The following CARF variants were observed in gnomAD, a reference collection of about 807,000 sequenced individuals.
The protein encoded by CARF is calcium responsive transcription factor.
In CARF, 57 loss-of-function variants were observed where a neutral mutation model predicts 82.0. That is an observed-to-expected ratio of 0.70 (90% CI 0.56 to 0.87). The LOEUF (loss-of-function observed/expected upper bound fraction) is 0.87. CARF is among the 40% of genes least tolerant of loss of function. The pLI, the probability that CARF is intolerant of heterozygous loss-of-function variation, is 0.00. For synonymous variants in CARF, 268 were observed against 290.1 expected (o/e 0.92, Z 0.77); for missense variants, 771 against 855.8 (o/e 0.90, Z 1.24).
At position 202,986,198 on chromosome 2, in the gene CARF, A is replaced by T. The variant is rs189561172; in HGVS notation, c.*2574A>T. Reference sequence around the variant, plus strand: ...TTTCTAAATTAGATTTTAAAAATTCATTGTCATCTAAATGCATGTTTAGTC... The same window carrying T: ...TTTCTAAATTAGATTTTAAAAATTCTTTGTCATCTAAATGCATGTTTAGTC... On this transcript the variant is annotated 3_prime_UTR_variant, in exon 17 of 17. Coordinates refer to ENST00000438828, the MANE Select transcript of CARF (RefSeq NM_024744.17). 1.3e-4 allele frequency: 20 copies of T among 152,258 alleles called. No individual in the cohort carries two copies. Among genetic ancestry groups the T allele is most frequent in the African/African-American group, 4.3e-4 (18 of 41,576 alleles). The allele number at this position is 152,258 out of a possible 1,614,324, so 9.4% of individuals were successfully genotyped here.
intron 3 of CARF, among the ~76,000 whole-genome samples, chr2:202,932,629 A>C (rs1693142447): frequency 6.6e-6 from 1 of 152,066 alleles, no homozygotes; most frequent in Non-Finnish European, 1.5e-5. Flanking sequence ...GCAGTATCTC[A>C]GACTCTGTGA....
intron 5 of CARF, among the ~76,000 whole-genome samples, chr2:202,945,837 T>C (rs1053972488): frequency 6.6e-6 from 1 of 152,202 alleles, no homozygotes; most frequent in African/African-American, 2.4e-5. Flanking sequence ...AGTAATAGGA[T>C]TGCTGGGTTG....
intron 1 of CARF, among the ~76,000 whole-genome samples, chr2:202,914,563 G>T (rs899172105): frequency 1.3e-5 from 2 of 151,954 alleles, no homozygotes; most frequent in Non-Finnish European, 2.9e-5. Context: ...TGGAGCACCT[G>T]AGGTCAGGAG....
chr2:202,953,927 C>T (rs2058893041), intron 6 of CARF, 78 bp from the exon 7 acceptor site: 7 of 1,260,146 alleles, frequency 5.6e-6, no homozygotes, highest in African/African-American at 1.5e-5. Context: ...ATTACAAATA[C>T]ATAAGTTTTA....
In CARF at chr2:202,986,897, T is replaced by TATATAC. The variant is rs1553584712; in HGVS notation, c.*3278_*3279insCATATA. 3.7e-5 allele frequency: 5 copies of TATATAC among 135,938 alleles called. No individual in the cohort carries two copies. Among genetic ancestry groups the TATATAC allele is most frequent in the East Asian group, 2.1e-4 (1 of 4,858 alleles). 8.4% of individuals were successfully genotyped at this position (135,938 alleles called of 1,614,324 possible). A position where few individuals can be genotyped will look rare whatever the true frequency, so the allele number is the denominator to read the frequency against. On this transcript the variant is annotated 3_prime_UTR_variant, in exon 17 of 17. Coordinates refer to ENST00000438828, the MANE Select transcript of CARF (RefSeq NM_024744.17). ...ATATATATATATATATATATATATA[T>TATATAC]ATATATATATAGCAACTTGATGTAT...
chr2:202,929,175 T>G (rs777788365), intron 3 of CARF, among the ~76,000 whole-genome samples: 2 of 152,236 alleles, frequency 1.3e-5, no homozygotes, highest in Non-Finnish European at 2.9e-5. Context: ...CTTGTTTAGT[T>G]TGCTGTACAA....
At chr2:202,933,846 GCTTTT>G (rs927232588) in intron 3 of CARF, among the ~76,000 whole-genome samples, 1 of 139,406 alleles carries the variant, frequency 7.2e-6, no homozygotes, top group African/African-American at 2.5e-5. Context: ...ACCACAGTCT[GCTTTT>G]CTTTTCTTTC....
At chr2:202,947,348 C>T (rs1021134626) in intron 5 of CARF, among the ~76,000 whole-genome samples, 2 of 152,098 alleles carry the variant, frequency 1.3e-5, no homozygotes, top group Non-Finnish European at 2.9e-5. Context: ...AAGCTGGAAA[C>T]CATCATCCTC....
intron 3 of CARF, among the ~76,000 whole-genome samples, chr2:202,937,781 C>T (rs191450675): frequency 6.6e-6 from 1 of 152,082 alleles, no homozygotes; most frequent in African/African-American, 2.4e-5. Flanking sequence ...TGCGCCACCA[C>T]GCCTGGCTAG....
chr2:202,930,086 C>T (rs944165855), intron 3 of CARF, among the ~76,000 whole-genome samples: 6 of 151,886 alleles, frequency 4.0e-5, no homozygotes, highest in Non-Finnish European at 7.4e-5. Context: ...CTCAATCTGT[C>T]GCCCAGGCTG....
Position 202,949,515 on chromosome 2 carries a change from A to AT in CARF, c.307-3041dup, listed in dbSNP as rs71408905. Reference sequence around the variant, plus strand: ...TTTTCAATATGACTTTTTGTTATTTATTTATTATTATTATTATTATTATTA... The same window carrying AT: ...TTTTCAATATGACTTTTTGTTATTTATTTTATTATTATTATTATTATTATTA... On this transcript the variant is annotated intron_variant, in intron 5 of 16. Coordinates refer to ENST00000438828, the MANE Select transcript of CARF (RefSeq NM_024744.17). Among the ~76,000 whole-genome samples, 37 of 112,086 alleles carry AT rather than the reference A, an allele frequency of 3.3e-4. No homozygotes were observed. The Admixed American group carries it at 3.5e-3, about 11-fold the overall frequency. 73.5% of individuals were successfully genotyped at this position (112,086 alleles called of 152,430 possible). A position where few individuals can be genotyped will look rare whatever the true frequency, so the allele number is the denominator to read the frequency against.
chr2:202,955,715 C>CT lies in CARF; in HGVS notation c.601dup (p.Ser201PhefsTer2). The CT allele has an allele frequency of 1.2e-6, 2 of 1,612,450 alleles. No individual in the cohort carries two copies. Among genetic ancestry groups the CT allele is most frequent in the Non-Finnish European group, 1.7e-6 (2 of 1,179,096 alleles). ...CTTCTGGGGCCTCTTCAGCCACTTTCTTCTAATACACCTATATGGGCCTGC... is the reference window on the plus strand; with the variant it reads ...CTTCTGGGGCCTCTTCAGCCACTTTCTTTCTAATACACCTATATGGGCCTGC... On this transcript the variant is annotated frameshift_variant, in exon 8 of 17. Coordinates refer to ENST00000438828, the MANE Select transcript of CARF (RefSeq NM_024744.17). LOFTEE classifies it high-confidence loss of function.
At chr2:202,954,434 G>T (rs1559236699) in intron 7 of CARF, among the ~76,000 whole-genome samples, 1 of 152,088 alleles carries the variant, frequency 6.6e-6, no homozygotes, top group African/African-American at 2.4e-5. Context: ...AACATTCATG[G>T]CCAGGTGCGG....
rs1553584712 is a variant in CARF at position 202,986,897 on chromosome 2, T to TATATACATATATATATATATATAC, written c.*3278_*3279insCATATATATATATATATACATATA. 7.4e-6 allele frequency: 1 copy of TATATACATATATATATATATATAC among 135,942 alleles called. No individual in the cohort carries two copies. The highest frequency in any genetic ancestry group is 2.1e-4 in the East Asian group (1 of 4,878). 8.4% of individuals were successfully genotyped at this position (135,942 alleles called of 1,614,324 possible). A position where few individuals can be genotyped will look rare whatever the true frequency, so the allele number is the denominator to read the frequency against. Reference sequence around the variant, plus strand: ...ATATATATATATATATATATATATATATATATATATAGCAACTTGATGTAT... The same window carrying TATATACATATATATATATATATAC: ...ATATATATATATATATATATATATATATATACATATATATATATATATACATATATATATAGCAACTTGATGTAT... On this transcript the variant is annotated 3_prime_UTR_variant, in exon 17 of 17. Transcript: ENST00000438828.
At chr2:202,975,768 G>C (rs1488063600) in intron 13 of CARF, among the ~76,000 whole-genome samples, 2 of 151,994 alleles carry the variant, frequency 1.3e-5, no homozygotes, top group Non-Finnish European at 2.9e-5. Context: ...GTTTGGGCTG[G>C]GCGCGTTGGC....
At chr2:202,980,618 A>ATATATATATATATATG in intron 14 of CARF, among the ~76,000 whole-genome samples, 1 of 31,420 alleles carries the variant, frequency 3.2e-5, no homozygotes, top group East Asian at 2.7e-3. Context: ...TCTTTCAAGT[A>ATATATATATATATATG]TATATATATA....
chr2:202,982,218 A>G lies in CARF; in HGVS notation c.1836A>G (p.Gln612=). 1.2e-6 allele frequency: 2 copies of G among 1,614,152 alleles called. No homozygotes were observed. The highest frequency in any genetic ancestry group is 1.3e-5 in the African/African-American group (1 of 75,048). ...ATAATAATTCTCTACTGCTTGGTCA[A>G]AGTCATAGCCTTCAAAGAGATACAT... ...VMNNNSLLLG[Q]SHSLQRDTCL... is the part of the protein sequence containing the mutation. The change falls in exon 16 of 17, where the codon CAA becomes CAG. Residue 612 remains glutamine (Q), a synonymous_variant. Transcript: ENST00000438828.
intron 10 of CARF, among the ~76,000 whole-genome samples, chr2:202,967,851 G>A (rs75594384): frequency 0.039 from 5,925 of 152,196 alleles, 372 homozygotes; most frequent in African/African-American, 0.13. Flanking sequence ...TGAGACCAAT[G>A]TAGTAAGTTT....
In CARF at chr2:202,982,209, G is replaced by A. The variant is rs533952904; in HGVS notation, c.1827G>A (p.Leu609=). Residue 609 remains leucine, a synonymous_variant, in exon 16 of 17, where the codon CTG becomes CTA. Transcript: ENST00000438828. The stretch of plus-strand genomic sequence containing the variant: ...CTGTAATGAATAATAATTCTCTACT[G>A]CTTGGTCAAAGTCATAGCCTTCAAA... ...GSAVMNNNSL[L]LGQSHSLQRD... 7.2e-5 allele frequency: 117 copies of A among 1,614,002 alleles called. No individual in the cohort carries two copies. The highest frequency in any genetic ancestry group is 9.6e-5 in the Non-Finnish European group (113 of 1,180,028).
Sources: allele counts gnomAD v4.1 joint callset (sites outside exome capture counted in the v4.1 genomes callset), GRCh38; gene constraint gnomAD v4.1.1; transcripts MANE v1.5; gene names NCBI Gene and HGNC (gene_info 2026-07-23, HGNC 2026-07-21).